TENT5D: variants seen among roughly 807,000 people sequenced by gnomAD.
The protein encoded by TENT5D is terminal nucleotidyltransferase 5D, also known as cancer/testis antigen 112.
For missense variants in TENT5D, 191 were observed against 287.0 expected, an observed-to-expected ratio of 0.67 and a Z score of 2.42; for synonymous variants, 103 against 100.6, an observed-to-expected ratio of 1.02 and a Z score of -0.15.
intron 3 of TENT5D, among the ~76,000 whole-genome samples, chrX:80,366,972 A>C (rs1930523365): frequency 9.0e-6 from 1 of 111,546 alleles, no homozygotes; most frequent in Non-Finnish European, 1.9e-5. Context: ...AAATATATGC[A>C]TTTTATACAT....
intron 3 of TENT5D, among the ~76,000 whole-genome samples, chrX:80,373,883 T>G (rs1380199538): frequency 9.0e-6 from 1 of 111,554 alleles, no homozygotes; most frequent in Non-Finnish European, 1.9e-5. Context: ...AGGTTTGTTA[T>G]GTAGGTAAAC....
intron 3 of TENT5D, among the ~76,000 whole-genome samples, chrX:80,403,037 T>A (rs1253892026): frequency 4.5e-5 from 5 of 112,079 alleles, no homozygotes; most frequent in Non-Finnish European, 9.4e-5. Flanking sequence ...TGTAAAATTA[T>A]TTATTTATAA....
chrX:80,369,658 A>T (rs993656444), intron 3 of TENT5D, among the ~76,000 whole-genome samples: 1 of 112,191 alleles, frequency 8.9e-6, no homozygotes, highest in Non-Finnish European at 1.9e-5. Context: ...TATATTTTTT[A>T]AAAAATAAAT....
At chrX:80,394,439 C>G (rs1360822803) in intron 3 of TENT5D, among the ~76,000 whole-genome samples, 1 of 92,902 alleles carries the variant, frequency 1.1e-5, no homozygotes, top group Non-Finnish European at 2.1e-5. Flanking sequence ...CTGTTGTTGC[C>G]CAGGCTGGAG....
intron 3 of TENT5D, among the ~76,000 whole-genome samples, chrX:80,359,381 T>C (rs1930359177): frequency 8.9e-6 from 1 of 111,796 alleles, no homozygotes; most frequent in African/African-American, 3.3e-5. Context: ...TTTACAATAG[T>C]AAAGACTTGG....
At chrX:80,388,886 G>C (rs558369031) in intron 3 of TENT5D, among the ~76,000 whole-genome samples, 2 of 111,376 alleles carry the variant, frequency 1.8e-5, no homozygotes, top group East Asian at 5.6e-4. Context: ...TTACCCCACA[G>C]TGGCAAGGCT....
intron 3 of TENT5D, among the ~76,000 whole-genome samples, chrX:80,369,860 G>T (rs1930588140): frequency 9.0e-6 from 1 of 111,501 alleles, no homozygotes; most frequent in Non-Finnish European, 1.9e-5. Context: ...CAGTGTCCTT[G>T]AATCAGTCCC....
At chrX:80,429,212 T>C (rs1189532263) in intron 1 of TENT5D, among the ~76,000 whole-genome samples, 3 of 111,742 alleles carry the variant, frequency 2.7e-5, no homozygotes, top group Non-Finnish European at 3.8e-5. Flanking sequence ...GCTTTTTTAT[T>C]GCCTGGGCAC....
intron 3 of TENT5D, among the ~76,000 whole-genome samples, chrX:80,397,233 G>T (rs780477146): frequency 2.4e-3 from 252 of 106,298 alleles, no homozygotes; most frequent in African/African-American, 7.5e-3. Flanking sequence ...GGGCAGAGAC[G>T]CTCCTCACCT....
intron 3 of TENT5D, among the ~76,000 whole-genome samples, chrX:80,403,454 A>G (rs1339816809): frequency 1.8e-5 from 2 of 112,341 alleles, no homozygotes; most frequent in South Asian, 3.7e-4. Context: ...TTTACTAGCA[A>G]TACACCTCAT....
intron 3 of TENT5D, among the ~76,000 whole-genome samples, chrX:80,382,950 G>A (rs1052873580): frequency 2.9e-4 from 32 of 112,188 alleles, no homozygotes; most frequent in East Asian, 2.8e-4. Context: ...TTGGCTTCCT[G>A]GGTGAGGGGA....
At chrX:80,392,642 G>A (rs1931157383) in intron 3 of TENT5D, among the ~76,000 whole-genome samples, 1 of 102,119 alleles carries the variant, frequency 9.8e-6, no homozygotes, top group Non-Finnish European at 2.0e-5. Flanking sequence ...TCAGCCTCCC[G>A]AGTAGCTGGG....
intron 3 of TENT5D, among the ~76,000 whole-genome samples, chrX:80,350,238 A>G (rs1356007741): frequency 9.0e-6 from 1 of 110,913 alleles, no homozygotes; most frequent in Non-Finnish European, 1.9e-5. Flanking sequence ...CCTAATATTG[A>G]CAGTGGGGCG....
chrX:80,436,623 G>C (rs1932189339), intron 1 of TENT5D, among the ~76,000 whole-genome samples: 1 of 110,548 alleles, frequency 9.0e-6, no homozygotes, highest in African/African-American at 3.3e-5. Flanking sequence ...TCCCACTTAT[G>C]AGTGAGAACC....
chrX:80,405,514 T>C (rs894427073), intron 3 of TENT5D, among the ~76,000 whole-genome samples: 12 of 111,747 alleles, frequency 1.1e-4, no homozygotes, highest in African/African-American at 3.6e-4. Flanking sequence ...GAAAATCGGG[T>C]CACTCCCACC....
At chrX:80,372,965 A>G (rs958120593) in intron 3 of TENT5D, among the ~76,000 whole-genome samples, 1 of 110,275 alleles carries the variant, frequency 9.1e-6, no homozygotes, top group Non-Finnish European at 1.9e-5. Context: ...GATGCACACA[A>G]TAATCAACCA....
At chrX:80,396,446 G>A (rs1395426408) in intron 3 of TENT5D, among the ~76,000 whole-genome samples, 7 of 109,794 alleles carry the variant, frequency 6.4e-5, no homozygotes, top group Non-Finnish European at 1.3e-4. Context: ...GTGTCCCTGG[G>A]TATTTGAGAT....
At chrX:80,347,860 G>A (rs1028927140) in intron 3 of TENT5D, among the ~76,000 whole-genome samples, 1 of 112,157 alleles carries the variant, frequency 8.9e-6, no homozygotes, top group African/African-American at 3.2e-5. Context: ...TAGTGTGTAA[G>A]GAAGGGGTCT....
At chrX:80,412,946 T>A (rs955393916) in intron 3 of TENT5D, among the ~76,000 whole-genome samples, 36 of 109,559 alleles carry the variant, frequency 3.3e-4, no homozygotes, top group Admixed American at 2.0e-3. Flanking sequence ...GTTACTATAT[T>A]TTTTTTTTGC....
Sources: allele counts gnomAD v4.1 joint callset (sites outside exome capture counted in the v4.1 genomes callset), GRCh38; gene constraint gnomAD v4.1.1; transcripts MANE v1.5; gene names NCBI Gene and HGNC (gene_info 2026-07-23, HGNC 2026-07-21).